LRRIQ3: variants seen among roughly 807,000 people sequenced by gnomAD.
LRRIQ3 encodes leucine-rich repeat and IQ domain-containing protein 3.
In LRRIQ3, 75 loss-of-function variants were observed where a neutral mutation model predicts 59.3. The observed-to-expected ratio is 1.26, with a 90% CI of 1.05 to 1.53. LRRIQ3 has a LOEUF of 1.53. Ranked by LOEUF, LRRIQ3 falls within the 40% of genes most tolerant of loss-of-function variation. The pLI is 0.00. For synonymous variants in LRRIQ3, 250 were observed against 231.3 expected (o/e 1.08, Z -0.73); for missense variants, 831 against 710.0 (o/e 1.17, Z -1.94).
chr1:74,096,556 T>A (rs1646451888), intron 5 of LRRIQ3, among the ~76,000 whole-genome samples: 1 of 152,130 alleles, frequency 6.6e-6, no homozygotes, highest in Non-Finnish European at 1.5e-5. Flanking sequence ...CTCGTTAAAG[T>A]CATTCTCGGT....
In LRRIQ3 at chr1:74,156,634, C is replaced by T. The variant is rs1432063438; in HGVS notation, c.574-768G>A. On this transcript the variant is annotated intron_variant, in intron 3 of 7. Coordinates refer to ENST00000354431, the MANE Select transcript of LRRIQ3 (RefSeq NM_001105659.2). ...TCCAATGAAACTGCAAATACTCTGT[C>T]AGCCCCCATAAATAAAATTGATATA... Among the ~76,000 whole-genome samples, 33 of 152,114 alleles carry T rather than the reference C, an allele frequency of 2.2e-4. 1 individual carries two copies. The highest frequency in any genetic ancestry group is 2.2e-3 in the Admixed American group (33 of 15,264).
chr1:74,059,110 T>TGTTAA (rs1308703252), intron 6 of LRRIQ3, among the ~76,000 whole-genome samples: 1 of 151,736 alleles, frequency 6.6e-6, no homozygotes, highest in African/African-American at 2.4e-5. Context: ...ATAGCAGATA[T>TGTTAA]GTTATTTGCA....
chr1:74,168,201 C>A (rs550443833), intron 3 of LRRIQ3, among the ~76,000 whole-genome samples: 1 of 152,122 alleles, frequency 6.6e-6, no homozygotes, highest in South Asian at 2.1e-4. Context: ...ACATCTCCAA[C>A]TATATTTGTA....
intron 3 of LRRIQ3, among the ~76,000 whole-genome samples, chr1:74,165,963 G>A (rs913962196): frequency 4.6e-5 from 7 of 151,378 alleles, no homozygotes; most frequent in Admixed American, 1.3e-4. Flanking sequence ...AATTGTATTC[G>A]CTAATATTTT....
intron 3 of LRRIQ3, among the ~76,000 whole-genome samples, chr1:74,170,681 T>G (rs1649269060): frequency 6.6e-6 from 1 of 152,130 alleles, no homozygotes; most frequent in Non-Finnish European, 1.5e-5. Flanking sequence ...GGTGCCATAT[T>G]AATTTTAGGA....
rs1650060337 is a variant in LRRIQ3, at chr1:74,182,694, T to A, written c.417A>T (p.Gly139=). The change falls in exon 3 of 8, where the codon GGA becomes GGT. Residue 139 remains glycine (G), a synonymous_variant. Transcript: ENST00000354431. ...MFDCPVSLKK[G]YRHVLVNSIW... The stretch of plus-strand genomic sequence containing the variant: ...TACTGTTAACAAGAACATGTCTATA[T>A]CCTTTTTTAAGGCTTACTGGACAAT... 1 of 1,612,650 alleles carries A rather than the reference T, an allele frequency of 6.2e-7. No individual in the cohort carries two copies. Among genetic ancestry groups the A allele is most frequent in the East Asian group, 2.2e-5 (1 of 44,786 alleles).
chr1:74,064,163 G>GTA (rs931050894), intron 6 of LRRIQ3, among the ~76,000 whole-genome samples: 2 of 151,582 alleles, frequency 1.3e-5, no homozygotes, highest in African/African-American at 4.8e-5. Context: ...TAATTATACT[G>GTA]TATATATATT....
intron 4 of LRRIQ3, among the ~76,000 whole-genome samples, chr1:74,149,968 A>C (rs1647820588): frequency 6.6e-6 from 1 of 152,234 alleles, no homozygotes; most frequent in Non-Finnish European, 1.5e-5. Context: ...GTACCCATAC[A>C]ACTAAATTCT....
rs553500103 is a variant in LRRIQ3 at position 74,149,727 on chromosome 1, A to G, written c.707+6006T>C. 7.9e-5 allele frequency among the ~76,000 whole-genome samples: 12 copies of G among 152,010 alleles called. No individual in the cohort carries two copies. The East Asian group carries it at 2.3e-3, about 29-fold the overall frequency. On this transcript the variant is annotated intron_variant, in intron 4 of 7. Coordinates refer to ENST00000354431, the MANE Select transcript of LRRIQ3 (RefSeq NM_001105659.2). Reference sequence around the variant, plus strand: ...TGGGTATAACTTCTGCTATTTTTCTATCTTCATGAGACAGATGCTTAGATT... The same window carrying G: ...TGGGTATAACTTCTGCTATTTTTCTGTCTTCATGAGACAGATGCTTAGATT...
chr1:74,063,323 G>C (rs922901966), intron 6 of LRRIQ3, among the ~76,000 whole-genome samples: 2 of 152,014 alleles, frequency 1.3e-5, no homozygotes, highest in East Asian at 1.9e-4. Flanking sequence ...ACTTGTATAT[G>C]GTTTAAACTG....
chr1:74,035,141 A>T (rs1017869982), intron 7 of LRRIQ3, among the ~76,000 whole-genome samples: 1 of 152,086 alleles, frequency 6.6e-6, no homozygotes, highest in African/African-American at 2.4e-5. Flanking sequence ...AATACAAATG[A>T]TTCTTCTTTA....
Position 74,060,188 on chromosome 1 carries a change from T to C in LRRIQ3, c.997+14473A>G, listed in dbSNP as rs866778426. Among the ~76,000 whole-genome samples the C allele has an allele frequency of 2.6e-3, 291 of 111,628 alleles. 1 individual carries two copies. The highest frequency in any genetic ancestry group is 8.4e-3 in the African/African-American group (267 of 31,690). The allele number at this position is 111,628 out of a possible 152,430, so 73.2% of individuals were successfully genotyped here. ...TCGTCGTCATCTTCTTCTTCTTCTT[T>C]TTCTTCTTCTTCTTCTTCTTCTTCT... On this transcript the variant is annotated intron_variant, in intron 6 of 7. Coordinates refer to ENST00000354431, the MANE Select transcript of LRRIQ3 (RefSeq NM_001105659.2).
Position 74,050,817 on chromosome 1 carries a change from C to T in LRRIQ3, c.998-8884G>A, listed in dbSNP as rs574388547. ...AACTTCTGTCACGTACTGAGTTCTT[C>T]CTGATTTGCTAGATGCAAAAAGTTC... On this transcript the variant is annotated intron_variant, in intron 6 of 7. Coordinates refer to ENST00000354431, the MANE Select transcript of LRRIQ3 (RefSeq NM_001105659.2). Among the ~76,000 whole-genome samples, 6 of 152,266 alleles carry T rather than the reference C, an allele frequency of 3.9e-5. No homozygotes were observed. The South Asian group carries it at 1.2e-3, about 32-fold the overall frequency.
intron 4 of LRRIQ3, among the ~76,000 whole-genome samples, chr1:74,121,529 T>C (rs1166177166): frequency 6.6e-6 from 1 of 152,144 alleles, no homozygotes; most frequent in Non-Finnish European, 1.5e-5. Context: ...AGGCTAGTCA[T>C]CTATATAATT....
chr1:74,032,486 G>A (rs1320492461), intron 7 of LRRIQ3, among the ~76,000 whole-genome samples: 1 of 151,994 alleles, frequency 6.6e-6, no homozygotes, highest in Non-Finnish European at 1.5e-5. Flanking sequence ...ATCCAGATCA[G>A]TGGTTGTTGT....
intron 2 of LRRIQ3, 171 bp downstream of exon 2, chr1:74,183,263 CAA>C: frequency 2.1e-6 from 1 of 473,174 alleles, no homozygotes; most frequent in Non-Finnish European, 3.6e-6. Flanking sequence ...TCATTTACAT[CAA>C]AGTGTCCGTA....
Position 74,185,811 on chromosome 1 carries a change from C to T in LRRIQ3, c.1-2127G>A, listed in dbSNP as rs552158067. Among the ~76,000 whole-genome samples the T allele has an allele frequency of 3.5e-3, 538 of 151,788 alleles. 3 individuals are homozygous for T. The highest frequency in any genetic ancestry group is 6.3e-3 in the Non-Finnish European group (429 of 67,896). On this transcript the variant is annotated intron_variant, in intron 1 of 7. Coordinates refer to ENST00000354431, the MANE Select transcript of LRRIQ3 (RefSeq NM_001105659.2). ...ACAAAAAATTAGCCGGACGTGGTGG[C>T]GGGCGCCTGTGGTCCCAGCTACTCG...
rs1299679906 is a variant in LRRIQ3, at chr1:74,197,123, AAG to A, written c.-1+871_-1+872del. On this transcript the variant is annotated intron_variant, in intron 1 of 7. Coordinates refer to ENST00000354431, the MANE Select transcript of LRRIQ3 (RefSeq NM_001105659.2). ...TGAAGTTTTAAATGTAAAACTATGA[AAG>A]AGTAATCTAATCTGCCATTTTATCC... Among the ~76,000 whole-genome samples the A allele has an allele frequency of 2.6e-5, 4 of 152,338 alleles. No homozygotes were observed. The East Asian group carries it at 5.8e-4, about 22-fold the overall frequency.
rs757449052 is a variant in LRRIQ3, at chr1:74,155,872, T to A, written c.574-6A>T. 3 of 1,274,760 alleles carry A rather than the reference T, an allele frequency of 2.4e-6. No individual in the cohort carries two copies. The South Asian group carries it at 5.2e-5, about 22-fold the overall frequency. 79.0% of individuals were successfully genotyped at this position (1,274,760 alleles called of 1,614,324 possible). Reference sequence around the variant, plus strand: ...TCCTCTTCATAGGTTGTTCCCTGTATAAAGAAAATATAATTAATAATTTTT... The same window carrying A: ...TCCTCTTCATAGGTTGTTCCCTGTAAAAAGAAAATATAATTAATAATTTTT... On this transcript the variant is annotated splice_region_variant and splice_polypyrimidine_tract_variant and intron_variant, in intron 3 of 7. Transcript: ENST00000354431.
Sources: gnomAD v4.1 joint callset for allele counts (sites outside exome capture counted in the v4.1 genomes callset) on GRCh38, gnomAD v4.1.1 for gene constraint, MANE v1.5 for transcripts, NCBI Gene and HGNC (gene_info 2026-07-23, HGNC 2026-07-21) for gene names.